Variants in SDK2 observed in about 807,000 individuals in gnomAD.
The protein encoded by SDK2 is protein sidekick-2.
A neutral mutation model predicts 253.9 loss-of-function variants in SDK2; 105 were observed. The ratio of observed to expected loss-of-function variants is 0.41; its 90% CI spans 0.35 to 0.49. The LOEUF is 0.49. Ranked by LOEUF, SDK2 falls within the 20% of genes least tolerant of loss-of-function variation. The pLI is 0.06. For synonymous variants in SDK2, 1,249 were observed against 1,234.9 expected, an observed-to-expected ratio of 1.01 and a Z score of -0.24; for missense variants, 2,608 against 3,003.0, an observed-to-expected ratio of 0.87 and a Z score of 3.07.
At position 73,338,980 on chromosome 17, in the gene SDK2, A is replaced by G; in HGVS notation, c.6166-40T>C. 6.4e-7 allele frequency: 1 copy of G among 1,570,074 alleles called. No individual in the cohort carries two copies. The highest frequency in any genetic ancestry group is 8.8e-7 in the Non-Finnish European group (1 of 1,140,378). ...AATCAGGGTGTGTCAGTGGCCCCGTAGGGACAGGCCATTGTGGTTGGGGCC... is the reference window on the plus strand; with the variant it reads ...AATCAGGGTGTGTCAGTGGCCCCGTGGGGACAGGCCATTGTGGTTGGGGCC... On this transcript the variant is annotated intron_variant, in intron 44 of 44. Transcript: ENST00000392650. The surrounding 1 kb of genome is among the most constrained non-coding windows in gnomAD (Gnocchi z 5.0).
intron 1 of SDK2, among the ~76,000 whole-genome samples, chr17:73,559,085 T>C (rs1410261668): frequency 6.6e-6 from 1 of 152,186 alleles, no homozygotes; most frequent in Non-Finnish European, 1.5e-5. Flanking sequence ...CTCTTCTCTA[T>C]GGGGAGAAAG....
At chr17:73,479,025 T>C (rs1449078828) in intron 2 of SDK2, among the ~76,000 whole-genome samples, 2 of 152,274 alleles carry the variant, frequency 1.3e-5, no homozygotes, top group Non-Finnish European at 2.9e-5. Flanking sequence ...TGCAAACTCA[T>C]GCAATCCACC....
intron 44 of SDK2, among the ~76,000 whole-genome samples, chr17:73,339,451 A>G (rs1401145127): frequency 6.6e-6 from 1 of 151,782 alleles, no homozygotes; most frequent in Non-Finnish European, 1.5e-5. Context: ...TGAACTCCTG[A>G]CCTCAAGTGA....
intron 3 of SDK2, among the ~76,000 whole-genome samples, chr17:73,464,127 C>T (rs990780524): frequency 2.0e-5 from 3 of 152,184 alleles, no homozygotes; most frequent in Admixed American, 6.5e-5. Context: ...CCTCTGCCCT[C>T]GACCACCCAT....
chr17:73,398,323 T>C lies in SDK2; in HGVS notation c.3200A>G (p.Tyr1067Cys). The part of the protein sequence containing the change: ...EVPDLNPFTC[Y>C]SFRMRQVNIV... Reference sequence around the variant, plus strand: ...CTCCCCGGGCCAGTCTCATTACCTGTAGCAGGTGAAGGGGTTGAGGTCGGG... The same window carrying C: ...CTCCCCGGGCCAGTCTCATTACCTGCAGCAGGTGAAGGGGTTGAGGTCGGG... The change falls in exon 23 of 45, where the codon TAC (tyrosine) becomes TGC (cysteine). Residue 1067 changes from tyrosine (Y) to cysteine (C), a missense_variant. By Grantham distance (194) the Tyr-to-Cys change is radical. Transcript: ENST00000392650. 6.2e-7 allele frequency: 1 copy of C among 1,613,582 alleles called. No individual in the cohort carries two copies. The highest frequency in any genetic ancestry group is 8.5e-7 in the Non-Finnish European group (1 of 1,179,510).
At chr17:73,598,015 G>T (rs907283257) in intron 1 of SDK2, among the ~76,000 whole-genome samples, 1 of 152,154 alleles carries the variant, frequency 6.6e-6, no homozygotes, top group Non-Finnish European at 1.5e-5. Context: ...GAAGAGTGAC[G>T]CTCAGAGGGT....
At chr17:73,512,740 C>T (rs776874814) in intron 1 of SDK2, among the ~76,000 whole-genome samples, 1 of 152,046 alleles carries the variant, frequency 6.6e-6, no homozygotes, top group Non-Finnish European at 1.5e-5. Context: ...GAAAACAGTG[C>T]CTTCTTGTAA....
chr17:73,451,707 C>T (rs191202050), intron 4 of SDK2, among the ~76,000 whole-genome samples: 17 of 152,248 alleles, frequency 1.1e-4, no homozygotes, highest in Admixed American at 7.8e-4. Context: ...GCCCTCTCTG[C>T]GACCCCCAAA....
intron 1 of SDK2, among the ~76,000 whole-genome samples, chr17:73,557,044 G>A (rs1386075374): frequency 6.6e-6 from 1 of 152,224 alleles, no homozygotes; most frequent in Non-Finnish European, 1.5e-5. Context: ...AGACACTGGG[G>A]TTGGCCTTAT....
At chr17:73,592,028 G>T (rs1315304408) in intron 1 of SDK2, among the ~76,000 whole-genome samples, 2 of 152,222 alleles carry the variant, frequency 1.3e-5, no homozygotes, top group African/African-American at 2.4e-5. Context: ...CCACATGAGG[G>T]GGGAGTTGAT....
intron 16 of SDK2, among the ~76,000 whole-genome samples, chr17:73,418,203 T>C (rs1169669218): frequency 6.6e-6 from 1 of 152,154 alleles, no homozygotes; most frequent in Non-Finnish European, 1.5e-5. Flanking sequence ...AGATGGGGTT[T>C]CACCATATTG....
At chr17:73,439,415 A>C (rs2063396795) in intron 6 of SDK2, among the ~76,000 whole-genome samples, 1 of 152,182 alleles carries the variant, frequency 6.6e-6, no homozygotes, top group Admixed American at 6.5e-5. Context: ...AAATGCTGCC[A>C]AAAATAACAA....
rs1343215112 is a variant in SDK2 at position 73,433,493 on chromosome 17, G to T, written c.1312+239C>A. On this transcript the variant is annotated intron_variant, in intron 10 of 44. Coordinates refer to ENST00000392650, the MANE Select transcript of SDK2 (RefSeq NM_001144952.2). ...GTAGAGACCGGGTTTCACCACTTTG[G>T]GCCAGGCTGGTCTTGAATTCCTGAC... is the stretch of plus-strand genomic sequence containing the variant. Among the ~76,000 whole-genome samples the T allele has an allele frequency of 2.0e-5, 3 of 152,058 alleles. No individual in the cohort carries two copies. In the South Asian group the frequency reaches 6.2e-4, roughly 32 times the overall value.
chr17:73,357,217 A>G (rs1042635562), intron 40 of SDK2, among the ~76,000 whole-genome samples: 5 of 152,248 alleles, frequency 3.3e-5, no homozygotes, highest in African/African-American at 1.2e-4. Context: ...ACTCTCTGCT[A>G]TTGGGATGAT....
In SDK2 at chr17:73,361,599, C is replaced by T. The variant is rs1263483972; in HGVS notation, c.5467+85G>A. 4 of 1,413,418 alleles carry T rather than the reference C, an allele frequency of 2.8e-6. No individual in the cohort carries two copies. In the African/African-American group the frequency reaches 5.6e-5, roughly 20 times the overall value. The allele number at this position is 1,413,418 out of a possible 1,614,324, so 87.6% of individuals were successfully genotyped here. A position where few individuals can be genotyped will look rare whatever the true frequency, so the allele number is the denominator to read the frequency against. On this transcript the variant is annotated intron_variant, in intron 39 of 44. Transcript: ENST00000392650. The surrounding 1 kb of genome is among the most constrained non-coding windows in gnomAD (Gnocchi z 4.1). ...CCTCCACTCTGTTTCCAGGGTCCAG[C>T]ACAGCTCTTGACACCGGGGGCCCCT...
intron 1 of SDK2, among the ~76,000 whole-genome samples, chr17:73,585,901 T>C (rs2045596944): frequency 6.6e-6 from 1 of 152,172 alleles, no homozygotes; most frequent in African/African-American, 2.4e-5. Flanking sequence ...ACATACAGAA[T>C]TGAATGTCAT....
In SDK2 at chr17:73,379,563, T is replaced by C. The variant is rs1326582624; in HGVS notation, c.4763-14A>G. On this transcript the variant is annotated splice_polypyrimidine_tract_variant and intron_variant, in intron 34 of 44. Transcript: ENST00000392650. This position sits in a 1 kb window ranked among gnomAD's most constrained non-coding sequence, Gnocchi z 4.5. ...GCTTGTTCAGGTCTGTGGGGGAGAG[T>C]GGGGGAGGGGAAGCACACTGAGGTC... 2 of 1,520,914 alleles carry C rather than the reference T, an allele frequency of 1.3e-6. No individual in the cohort carries two copies. Among genetic ancestry groups the C allele is most frequent in the Non-Finnish European group, 1.8e-6 (2 of 1,111,100 alleles). 94.2% of individuals were successfully genotyped at this position (1,520,914 alleles called of 1,614,324 possible).
intron 44 of SDK2, 87 bp downstream of exon 44, chr17:73,348,512 G>A: frequency 6.8e-7 from 1 of 1,473,476 alleles, no homozygotes; most frequent in Non-Finnish European, 9.1e-7. Context: ...TTGAAGGAAA[G>A]GAAGAAAGCC....
At chr17:73,404,234 G>A (rs1382904838) in intron 18 of SDK2, among the ~76,000 whole-genome samples, 1 of 152,194 alleles carries the variant, frequency 6.6e-6, no homozygotes, top group Non-Finnish European at 1.5e-5. Flanking sequence ...TCCTGTGGCT[G>A]TTTCAAAATA....
Sources: gnomAD v4.1 joint callset for allele counts (sites outside exome capture counted in the v4.1 genomes callset) on GRCh38, gnomAD v4.1.1 for gene constraint, Gnocchi (gnomAD v3.1) non-coding constraint, MANE v1.5 for transcripts, NCBI Gene and HGNC (gene_info 2026-07-23, HGNC 2026-07-21) for gene names.